The following CHN2 variants were observed in gnomAD, a reference collection of about 807,000 sequenced individuals.
The protein encoded by CHN2 is chimerin 2.
A neutral mutation model predicts 56.3 loss-of-function variants in CHN2; 35 were observed. That is an observed-to-expected ratio of 0.62 (90% CI 0.47 to 0.82). The LOEUF is 0.82. Among genes scored for constraint, CHN2 ranks in the 40% least tolerant of loss-of-function variants. The probability of loss-of-function intolerance (pLI) is 0.00; values close to 1 mark genes in which losing one functional copy is unlikely to be tolerated. For synonymous variants in CHN2, 210 were observed against 212.8 expected, an observed-to-expected ratio of 0.99 and a Z score of 0.12; for missense variants, 491 against 580.5, an observed-to-expected ratio of 0.85 and a Z score of 1.58.
At chr7:29,193,990 G>C (rs1339352900), upstream of CHN2, 1 of 152,496 alleles carries the variant, frequency 6.6e-6, no homozygotes, top group South Asian at 2.1e-4. Flanking sequence ...TTGCAGGGCA[G>C]GGACCGTCAG....
At chr7:29,399,911 G>T (rs1032383323) in intron 5 of CHN2, among the ~76,000 whole-genome samples, 2 of 152,200 alleles carry the variant, frequency 1.3e-5, no homozygotes, top group African/African-American at 4.8e-5. Flanking sequence ...TAGATGGAAG[G>T]TCAGGGCCCA....
At chr7:29,488,244 G>T (rs1259891176) in intron 7 of CHN2, among the ~76,000 whole-genome samples, 3 of 152,162 alleles carry the variant, frequency 2.0e-5, no homozygotes, top group Admixed American at 6.5e-5. Flanking sequence ...TCAAGGTTAG[G>T]ACTTCATCTG....
intron 1 of CHN2, among the ~76,000 whole-genome samples, chr7:29,231,746 A>G (rs1175457043): frequency 6.6e-6 from 1 of 152,206 alleles, no homozygotes; most frequent in Non-Finnish European, 1.5e-5. Flanking sequence ...GTTACAGTGT[A>G]TAAGGGAAAT....
At chr7:29,469,245 C>G (rs902367075) in intron 6 of CHN2, among the ~76,000 whole-genome samples, 3 of 152,250 alleles carry the variant, frequency 2.0e-5, no homozygotes, top group Non-Finnish European at 4.4e-5. Context: ...TGCTCCCACC[C>G]TCATCCAAGC....
chr7:29,185,860 T>C (rs895305487), intron 2 of CHN2, among the ~76,000 whole-genome samples: 11 of 152,310 alleles, frequency 7.2e-5, no homozygotes, highest in African/African-American at 2.4e-4. Flanking sequence ...AATATGTAGA[T>C]ATATTAAAGG....
chr7:29,329,151 G>C (rs549718995), intron 1 of CHN2, among the ~76,000 whole-genome samples: 26 of 152,158 alleles, frequency 1.7e-4, no homozygotes, highest in African/African-American at 5.8e-4. Flanking sequence ...TAGACTGGAA[G>C]GGAAAAGGAG....
At chr7:29,179,230 C>T (rs998066058) in intron 2 of CHN2, among the ~76,000 whole-genome samples, 2 of 152,184 alleles carry the variant, frequency 1.3e-5, no homozygotes, top group African/African-American at 4.8e-5. Flanking sequence ...GGCTCCATCC[C>T]CTCACACAGC....
chr7:29,270,492 T>TTA (rs1224239972), intron 1 of CHN2, among the ~76,000 whole-genome samples: 2,083 of 105,374 alleles, frequency 0.02, 62 homozygotes, highest in African/African-American at 0.073. Context: ...CCATCTCTAC[T>TTA]AAAAAAAAAA....
At chr7:29,375,190 CTTTTTTTTT>C (rs70980534) in intron 3 of CHN2, among the ~76,000 whole-genome samples, 2 of 77,908 alleles carry the variant, frequency 2.6e-5, no homozygotes, top group Non-Finnish European at 4.6e-5. Context: ...GTGCTCGGCC[CTTTTTTTTT>C]TTTTTTTTTT....
At chr7:29,356,008 C>T (rs1585145826) in intron 2 of CHN2, among the ~76,000 whole-genome samples, 1 of 151,926 alleles carries the variant, frequency 6.6e-6, no homozygotes, top group East Asian at 1.9e-4. Flanking sequence ...GTCTTGAACT[C>T]CTGAGCTCAG....
intron 2 of CHN2, among the ~76,000 whole-genome samples, chr7:29,152,206 T>C (rs2128693961): frequency 6.6e-6 from 1 of 152,312 alleles, no homozygotes; most frequent in African/African-American, 2.4e-5. Flanking sequence ...TATTTCTTGG[T>C]AGGAATGCTC....
chr7:29,491,828 A>C (rs955185376), intron 7 of CHN2, among the ~76,000 whole-genome samples: 1 of 152,204 alleles, frequency 6.6e-6, no homozygotes, highest in Non-Finnish European at 1.5e-5. Flanking sequence ...CATTTCCCAA[A>C]TTAAGAGAAC....
intron 1 of CHN2, among the ~76,000 whole-genome samples, chr7:29,350,320 C>T (rs908653114): frequency 3.9e-5 from 6 of 151,918 alleles, no homozygotes; most frequent in African/African-American, 7.3e-5. Context: ...CTATCCAAGA[C>T]GCAAGTTGAT....
intron 2 of CHN2, among the ~76,000 whole-genome samples, chr7:29,153,366 T>C (rs1793881115): frequency 6.6e-6 from 1 of 152,156 alleles, no homozygotes; most frequent in Non-Finnish European, 1.5e-5. Flanking sequence ...CGGATTTTTT[T>C]CTAGAAAAGT....
intron 9 of CHN2, among the ~76,000 whole-genome samples, chr7:29,502,482 A>G (rs1472333599): frequency 6.6e-6 from 1 of 152,210 alleles, no homozygotes; most frequent in Admixed American, 6.5e-5. Context: ...TGCAATGGAT[A>G]TTGTTCTAAA....
intron 2 of CHN2, among the ~76,000 whole-genome samples, chr7:29,359,242 T>C (rs1798547336): frequency 6.6e-6 from 1 of 152,134 alleles, no homozygotes; most frequent in South Asian, 2.1e-4. Context: ...TATAACATGA[T>C]TGGAAAATTT....
At position 29,212,436 on chromosome 7, in the gene CHN2, C is replaced by A. The variant is rs1200990444; in HGVS notation, c.49+17446C>A. ...CTTGCAAATGTCTTCTGCTGAGATG[C>A]CTCACACGGAGACTGTCTCTCCTCT... On this transcript the variant is annotated intron_variant, in intron 1 of 12. Transcript: ENST00000222792. 5.0e-6 allele frequency: 8 copies of A among 1,606,706 alleles called. No individual in the cohort carries two copies. In the East Asian group the frequency reaches 1.8e-4, roughly 36 times the overall value.
At chr7:29,221,152 C>A (rs940926768) in intron 1 of CHN2, among the ~76,000 whole-genome samples, 3 of 152,132 alleles carry the variant, frequency 2.0e-5, no homozygotes, top group Non-Finnish European at 4.4e-5. Flanking sequence ...TAAATGATTT[C>A]TCCGAGTTTG....
At chr7:29,509,213 T>C in intron 11 of CHN2, 88 bp from the exon 12 acceptor site, 3 of 920,976 alleles carry the variant, frequency 3.3e-6, no homozygotes, top group Non-Finnish European at 5.2e-6. Context: ...CTTCCCCACT[T>C]CTGGCTAAAA....
Sources: gnomAD v4.1 joint callset for allele counts (sites outside exome capture counted in the v4.1 genomes callset) on GRCh38, gnomAD v4.1.1 for gene constraint, MANE v1.5 for transcripts, NCBI Gene and HGNC (gene_info 2026-07-23, HGNC 2026-07-21) for gene names.